Variants in AKAP19 observed in about 807,000 individuals in gnomAD.
AKAP19 encodes A-kinase anchoring protein 19.
chr2:190,020,871 C>A, the AKAP19 span, among the ~76,000 whole-genome samples: 15 of 152,122 alleles, frequency 9.9e-5, no homozygotes, highest in African/African-American at 3.6e-4. Context: ...CATGGGTATC[C>A]TTTTGTGACT....
chr2:189,984,200 C>G, the AKAP19 span, among the ~76,000 whole-genome samples: 1 of 152,164 alleles, frequency 6.6e-6, no homozygotes, highest in African/African-American at 2.4e-5. Flanking sequence ...AGAATTTCCT[C>G]TTCCTAATAA....
the AKAP19 span, among the ~76,000 whole-genome samples, chr2:190,031,962 G>A: frequency 1.3e-5 from 2 of 152,074 alleles, no homozygotes; most frequent in Non-Finnish European, 2.9e-5. Flanking sequence ...GATCTTCAGT[G>A]TTTATCATTA....
the AKAP19 span, among the ~76,000 whole-genome samples, chr2:190,046,042 A>G: frequency 1.2e-4 from 18 of 152,318 alleles, no homozygotes; most frequent in African/African-American, 4.3e-4. Flanking sequence ...TGGTGGGGGA[A>G]GTTCCCTGGC....
the AKAP19 span, among the ~76,000 whole-genome samples, chr2:190,044,513 C>A: frequency 4.6e-5 from 7 of 152,154 alleles, no homozygotes; most frequent in Non-Finnish European, 1.0e-4. Context: ...AAGGGCAGTT[C>A]TACTGCAGAG....
chr2:190,096,821 G>T, the AKAP19 span, among the ~76,000 whole-genome samples: 1 of 152,058 alleles, frequency 6.6e-6, no homozygotes, highest in Non-Finnish European at 1.5e-5. Flanking sequence ...TCTAGTGAGG[G>T]CCTGTTCCAT....
the AKAP19 span, among the ~76,000 whole-genome samples, chr2:189,949,145 A>G: frequency 2.0e-5 from 3 of 152,196 alleles, no homozygotes; most frequent in Non-Finnish European, 4.4e-5. Flanking sequence ...AAAACCAAGT[A>G]TACAAAAAGC....
chr2:189,995,604 C>G, the AKAP19 span, among the ~76,000 whole-genome samples: 2 of 151,866 alleles, frequency 1.3e-5, no homozygotes, highest in African/African-American at 4.8e-5. Context: ...ACTTTTAGGC[C>G]ATTTACACTT....
the AKAP19 span, among the ~76,000 whole-genome samples, chr2:190,158,373 G>A: frequency 6.6e-6 from 1 of 152,170 alleles, no homozygotes; most frequent in Non-Finnish European, 1.5e-5. Flanking sequence ...TTCAGTGTAT[G>A]CAGACCTCTC....
At chr2:190,036,012 A>G in the AKAP19 span, among the ~76,000 whole-genome samples, 3 of 152,222 alleles carry the variant, frequency 2.0e-5, 1 homozygote, top group East Asian at 5.8e-4. Flanking sequence ...GTAGTGCACT[A>G]TTTCAGTGAA....
the AKAP19 span, among the ~76,000 whole-genome samples, chr2:190,141,119 C>T: frequency 6.6e-6 from 1 of 152,196 alleles, no homozygotes; most frequent in Non-Finnish European, 1.5e-5. Flanking sequence ...GTCCATATCA[C>T]TATCAGTATT....
the AKAP19 span, among the ~76,000 whole-genome samples, chr2:190,125,663 TA>T: frequency 6.6e-6 from 1 of 152,140 alleles, no homozygotes; most frequent in Non-Finnish European, 1.5e-5. Flanking sequence ...ATCTGTCACA[TA>T]AAGATCATGA....
chr2:189,890,772 T>G, the AKAP19 span, among the ~76,000 whole-genome samples: 1 of 152,190 alleles, frequency 6.6e-6, no homozygotes, highest in Non-Finnish European at 1.5e-5. Flanking sequence ...ATTTGCTTGG[T>G]AAATATTCCT....
the AKAP19 span, among the ~76,000 whole-genome samples, chr2:190,071,260 CA>C: frequency 9.5e-4 from 144 of 152,190 alleles, no homozygotes; most frequent in Admixed American, 1.9e-3. Context: ...CCAGTTTGGG[CA>C]GTATAATGAG....
chr2:189,949,631 C>CTTTTTT, the AKAP19 span, among the ~76,000 whole-genome samples: 6 of 117,768 alleles, frequency 5.1e-5, no homozygotes, highest in Admixed American at 8.6e-5. Context: ...CTTTTTCTTT[C>CTTTTTT]TTTTTTTTTT....
At chr2:189,961,212 T>C in the AKAP19 span, among the ~76,000 whole-genome samples, 1 of 152,172 alleles carries the variant, frequency 6.6e-6, no homozygotes, top group Non-Finnish European at 1.5e-5. Context: ...CCCGTGTTCT[T>C]TGCACACATA....
At chr2:190,142,728 G>C in the AKAP19 span, among the ~76,000 whole-genome samples, 4 of 152,226 alleles carry the variant, frequency 2.6e-5, no homozygotes, top group Admixed American at 2.6e-4. Flanking sequence ...GTCCCCAAAT[G>C]CTGGTGGGAC....
At chr2:190,168,166 C>T in the AKAP19 span, among the ~76,000 whole-genome samples, 1 of 152,228 alleles carries the variant, frequency 6.6e-6, no homozygotes, top group Non-Finnish European at 1.5e-5. Context: ...ATGGGCTCAA[C>T]ACCCTGTGGA....
At chr2:190,161,347 T>C in the AKAP19 span, among the ~76,000 whole-genome samples, 1 of 152,140 alleles carries the variant, frequency 6.6e-6, no homozygotes, top group Admixed American at 6.5e-5. Flanking sequence ...TATACCAGCT[T>C]TTAAAAGGCA....
the AKAP19 span, among the ~76,000 whole-genome samples, chr2:190,024,384 A>G: frequency 1.2e-4 from 18 of 150,712 alleles, no homozygotes; most frequent in African/African-American, 4.4e-4. Flanking sequence ...GTGTGTGTAT[A>G]TATATATATA....
Sources: gnomAD v4.1 joint callset for allele counts (sites outside exome capture counted in the v4.1 genomes callset) on GRCh38, gnomAD v4.1.1 for gene constraint, MANE v1.5 for transcripts, NCBI Gene and HGNC (gene_info 2026-07-23, HGNC 2026-07-21) for gene names.